Variants in DEFB104B observed in about 807,000 individuals in gnomAD.
DEFB104B encodes beta-defensin 104.
intron 1 of DEFB104B, among the ~76,000 whole-genome samples, chr8:7,472,048 C>A (rs1585520617): frequency 1.3e-5 from 2 of 151,272 alleles, no homozygotes; most frequent in South Asian, 4.1e-4. Flanking sequence ...AATGGCCCCA[C>A]AGCGGGTGAT....
At chr8:7,474,543 T>C (rs1291458321) in intron 1 of DEFB104B, among the ~76,000 whole-genome samples, 2 of 141,356 alleles carry the variant, frequency 1.4e-5, no homozygotes, top group African/African-American at 5.2e-5. Context: ...TCTGACTTGA[T>C]ATGAAAAGTT....
intron 1 of DEFB104B, among the ~76,000 whole-genome samples, chr8:7,471,897 T>G (rs1323837464): frequency 6.9e-6 from 1 of 145,540 alleles, no homozygotes; most frequent in Admixed American, 6.8e-5. Flanking sequence ...GTTTTATGTC[T>G]TTCATTTGTT....
At chr8:7,471,088 G>T (rs1336518927) in intron 1 of DEFB104B, among the ~76,000 whole-genome samples, 7 of 152,104 alleles carry the variant, frequency 4.6e-5, no homozygotes, top group Admixed American at 4.6e-4. Context: ...TGCCCCAAAA[G>T]TATTTTTCTC....
At chr8:7,474,898 A>C (rs1811073375) in intron 1 of DEFB104B, 113 bp downstream of exon 1, 1 of 442,956 alleles carries the variant, frequency 2.3e-6, no homozygotes, top group Non-Finnish European at 4.3e-6. Context: ...AAAGGCTGAG[A>C]TTGAAGAAGG....
rs535234007 is a variant in DEFB104B, at chr8:7,474,016, G to C, written c.58+995C>G. Among the ~76,000 whole-genome samples the C allele has an allele frequency of 2.1e-5, 3 of 139,722 alleles. 1 individual carries two copies. Among genetic ancestry groups the C allele is most frequent in the South Asian group, 2.2e-4 (1 of 4,464 alleles). The allele number at this position is 139,722 out of a possible 152,430, so 91.7% of individuals were successfully genotyped here. A position where few individuals can be genotyped will look rare whatever the true frequency, so the allele number is the denominator to read the frequency against. ...GCTCATAGCAGAATTTCACAGAAGT[G>C]TCTTTGGGAAATGACACGGGAAGAA... On this transcript the variant is annotated intron_variant, in intron 1 of 1. Coordinates refer to ENST00000316169, the MANE Select transcript of DEFB104B (RefSeq NM_001040702.1).
At chr8:7,471,001 T>C (rs1305403809) in intron 1 of DEFB104B, among the ~76,000 whole-genome samples, 3 of 149,504 alleles carry the variant, frequency 2.0e-5, no homozygotes, top group African/African-American at 7.4e-5. Flanking sequence ...CATAAGTGAA[T>C]TCTTTGAACT....
chr8:7,472,982 G>A (rs1278776639), intron 1 of DEFB104B, among the ~76,000 whole-genome samples: 17 of 100,214 alleles, frequency 1.7e-4, no homozygotes, highest in Non-Finnish European at 3.0e-4. Context: ...TCCGCCTCCT[G>A]AGCAGCTGGA....
intron 1 of DEFB104B, among the ~76,000 whole-genome samples, chr8:7,472,395 G>A (rs1195658335): frequency 1.5e-5 from 2 of 132,886 alleles, no homozygotes; most frequent in Non-Finnish European, 3.1e-5. Flanking sequence ...TTAGAGATGG[G>A]AATGAAGGCT....
At chr8:7,474,620 T>C (rs2128878478) in intron 1 of DEFB104B, among the ~76,000 whole-genome samples, 1 of 141,202 alleles carries the variant, frequency 7.1e-6, no homozygotes, top group South Asian at 2.2e-4. Flanking sequence ...AGGAGGAGGA[T>C]GGGAGAAGGC....
chr8:7,472,329 C>A (rs75181486), intron 1 of DEFB104B, among the ~76,000 whole-genome samples: 106,626 of 109,906 alleles, frequency 0.97, 51,990 homozygotes, highest in East Asian at 1. Flanking sequence ...GGAAGAGAAC[C>A]CAACCTTTAA....
chr8:7,474,758 A>AC (rs1811068842), intron 1 of DEFB104B, among the ~76,000 whole-genome samples: 1 of 137,010 alleles, frequency 7.3e-6, no homozygotes, highest in Non-Finnish European at 1.6e-5. Context: ...GGTGCCAAGG[A>AC]CATCTAGGAC....
chr8:7,474,290 A>G (rs1477807117), intron 1 of DEFB104B, among the ~76,000 whole-genome samples: 3 of 146,182 alleles, frequency 2.1e-5, no homozygotes, highest in African/African-American at 7.6e-5. Flanking sequence ...CTCTCACTGT[A>G]CTATAGAGAA....
chr8:7,471,105 C>A (rs1339049966), intron 1 of DEFB104B, among the ~76,000 whole-genome samples: 2 of 152,124 alleles, frequency 1.3e-5, no homozygotes, highest in African/African-American at 4.8e-5. Context: ...TCTCCCTATG[C>A]ATTTGTTATT....
At chr8:7,472,272 C>T (rs1424351506) in intron 1 of DEFB104B, among the ~76,000 whole-genome samples, 1 of 137,538 alleles carries the variant, frequency 7.3e-6, no homozygotes, top group Non-Finnish European at 1.5e-5. Context: ...AGCATGCTTG[C>T]TCAGGGAAAA....
At chr8:7,471,922 C>A (rs1305466701) in intron 1 of DEFB104B, among the ~76,000 whole-genome samples, 2 of 149,200 alleles carry the variant, frequency 1.3e-5, no homozygotes, top group East Asian at 4.0e-4. Context: ...TAAAGAGAAG[C>A]CTCCTGTTTC....
intron 1 of DEFB104B, among the ~76,000 whole-genome samples, chr8:7,472,401 A>C (rs1810984941): frequency 7.5e-6 from 1 of 133,828 alleles, no homozygotes. Flanking sequence ...ATGGGAATGA[A>C]GGCTCAGAGA....
chr8:7,471,156 G>T (rs1460482364), intron 1 of DEFB104B, among the ~76,000 whole-genome samples: 5 of 150,680 alleles, frequency 3.3e-5, no homozygotes, highest in African/African-American at 1.2e-4. Flanking sequence ...ATATATCTAT[G>T]TATCTATATA....
chr8:7,472,350 T>G (rs1371881791), intron 1 of DEFB104B, among the ~76,000 whole-genome samples: 1 of 124,038 alleles, frequency 8.1e-6, no homozygotes. Context: ...AATGTTAGAC[T>G]GTCAGTTTCA....
intron 1 of DEFB104B, among the ~76,000 whole-genome samples, chr8:7,472,948 T>C (rs1811005994): frequency 8.8e-6 from 1 of 113,946 alleles, no homozygotes; most frequent in Non-Finnish European, 1.8e-5. Flanking sequence ...CCTCCACCTC[T>C]TGGGTTCAAG....
Sources: gnomAD v4.1 joint callset for allele counts (sites outside exome capture counted in the v4.1 genomes callset) on GRCh38, gnomAD v4.1.1 for gene constraint, MANE v1.5 for transcripts, NCBI Gene and HGNC (gene_info 2026-07-23, HGNC 2026-07-21) for gene names.